L3MBTL2: variants seen among roughly 807,000 people sequenced by gnomAD.
The protein encoded by L3MBTL2 is L3MBTL histone methyl-lysine binding protein 2, also known as lethal(3)malignant brain tumor-like protein 2.
L3MBTL2 carries 49 observed loss-of-function variants against 86.4 expected under a neutral mutation model. The observed-to-expected ratio is 0.57, with a 90% CI of 0.45 to 0.72. The LOEUF (loss-of-function observed/expected upper bound fraction) is 0.72. L3MBTL2 is among the 30% of genes least tolerant of loss of function. The pLI, the probability that L3MBTL2 is intolerant of heterozygous loss-of-function variation, is 0.00. For missense variants in L3MBTL2, 755 were observed against 923.7 expected (o/e 0.82, Z 2.37); for synonymous variants, 336 against 350.6 (o/e 0.96, Z 0.47).
At chr22:41,212,009 G>A (rs1277386824) in intron 2 of L3MBTL2, among the ~76,000 whole-genome samples, 1 of 150,270 alleles carries the variant, frequency 6.7e-6, no homozygotes, top group African/African-American at 2.5e-5. Flanking sequence ...GACTACAGGC[G>A]CCCTCCGCCA....
Position 41,228,000 on chromosome 22 carries a change from G to A in L3MBTL2, c.1888+131G>A, listed in dbSNP as rs55912549. The stretch of plus-strand genomic sequence containing the variant: ...CTGTCCTACTGACGTAGCTCTCTTC[G>A]TGTTCCTGTCCTGTCTCTTTCCCCT... On this transcript the variant is annotated intron_variant, in intron 15 of 16. Transcript: ENST00000216237. This position sits in a 1 kb window ranked among gnomAD's most constrained non-coding sequence, Gnocchi z 6.0. 0.017 allele frequency: 25,049 copies of A among 1,441,914 alleles called. 277 individuals carry two copies. Among genetic ancestry groups the A allele is most frequent in the Non-Finnish European group, 0.02 (22,229 of 1,092,380 alleles). 89.3% of individuals were successfully genotyped at this position (1,441,914 alleles called of 1,614,324 possible). A position where few individuals can be genotyped will look rare whatever the true frequency, so the allele number is the denominator to read the frequency against.
At position 41,225,431 on chromosome 22, in the gene L3MBTL2, C is replaced by T. The variant is rs1177983812; in HGVS notation, c.1356+360C>T. ...GGGGTCACCTTGCTCCAAACCTCAT[C>T]GCCTCCTCCTGAGCAGCACCCCCAC... is the stretch of plus-strand genomic sequence containing the variant. On this transcript the variant is annotated intron_variant, in intron 11 of 16. Coordinates refer to ENST00000216237, the MANE Select transcript of L3MBTL2 (RefSeq NM_031488.5). The surrounding 1 kb of genome is among the most constrained non-coding windows in gnomAD (Gnocchi z 4.1). Among the ~76,000 whole-genome samples, 1 of 152,212 alleles carries T rather than the reference C, an allele frequency of 6.6e-6. No homozygotes were observed. The highest frequency in any genetic ancestry group is 2.4e-5 in the African/African-American group (1 of 41,452).
rs549190195 is a variant in L3MBTL2 at position 41,209,326 on chromosome 22, C to T, written c.25-370C>T. On this transcript the variant is annotated intron_variant, in intron 1 of 16. Transcript: ENST00000216237. ...TTCACCCTCTTGGCCAGGCTGGTCT[C>T]GAACTCCTGACCTCAGGTGATCTGC... 22 of 183,568 alleles carry T rather than the reference C, an allele frequency of 1.2e-4. No individual in the cohort carries two copies. In the East Asian group the frequency reaches 1.3e-3, roughly 11 times the overall value. 11.4% of individuals were successfully genotyped at this position (183,568 alleles called of 1,614,324 possible). A position where few individuals can be genotyped will look rare whatever the true frequency, so the allele number is the denominator to read the frequency against.
At position 41,229,688 on chromosome 22, in the gene L3MBTL2, C is replaced by G. The variant is rs557770534; in HGVS notation, c.2005+32C>G. On this transcript the variant is annotated intron_variant, in intron 16 of 16. Coordinates refer to ENST00000216237, the MANE Select transcript of L3MBTL2 (RefSeq NM_031488.5). The stretch of plus-strand genomic sequence containing the variant: ...GCCACCGGGCTGGGTCAAGGCAGGA[C>G]CAGCCTGCTCCGTGCTCAGAGACGA... The G allele has an allele frequency of 1.3e-4, 212 of 1,612,826 alleles. 3 individuals carry two copies. In the South Asian group the frequency reaches 2.2e-3, roughly 17 times the overall value.
chr22:41,219,398 T>TAC (rs1409431137), intron 5 of L3MBTL2, 21 bp from the exon 6 acceptor site: 5 of 1,566,130 alleles, frequency 3.2e-6, no homozygotes, highest in Non-Finnish European at 4.4e-6. Flanking sequence ...ACTCTCTCGG[T>TAC]ACACTCTCAT....
chr22:41,216,830 A>G (rs1330896515), intron 4 of L3MBTL2, among the ~76,000 whole-genome samples: 5 of 152,238 alleles, frequency 3.3e-5, no homozygotes, highest in African/African-American at 1.2e-4. Flanking sequence ...ATTTAAGCCC[A>G]GGGATATTTC....
intron 8 of L3MBTL2, 67 bp from the exon 9 acceptor site, chr22:41,223,953 C>A: frequency 2.3e-6 from 3 of 1,284,110 alleles, no homozygotes; most frequent in Non-Finnish European, 3.4e-6. Context: ...CCTCCACTCA[C>A]CAGAGCAGGA....
rs1481374909 is a variant in L3MBTL2 at position 41,226,719 on chromosome 22, C to T, written c.1562C>T (p.Ala521Val). ...ENYLEKTKSK[A>V]APSRLFNMDC... is the part of the protein sequence containing the mutation. Reference sequence around the variant, plus strand: ...TACTTGGAGAAGACCAAGTCGAAAGCCGCTCCATCGAGACTCTTTAACATG... The same window carrying T: ...TACTTGGAGAAGACCAAGTCGAAAGTCGCTCCATCGAGACTCTTTAACATG... Residue 521 changes from alanine to valine, a missense_variant, in exon 13 of 17, where the codon GCC becomes GTC. This residue lies in a region of L3MBTL2 where 634 missense variants were observed against 748.9 expected (regional missense o/e 0.85). Coordinates refer to ENST00000216237, the MANE Select transcript of L3MBTL2 (RefSeq NM_031488.5). The T allele has an allele frequency of 6.2e-7, 1 of 1,613,726 alleles. No homozygotes were observed. The highest frequency in any genetic ancestry group is 8.5e-7 in the Non-Finnish European group (1 of 1,179,732).
Position 41,229,547 on chromosome 22 carries a change from A to T in L3MBTL2, c.1896A>T (p.Arg632Ser). Residue 632 changes from arginine (R) to serine (S), a missense_variant, in exon 16 of 17, where the codon AGA (arginine) becomes AGT (serine). Around this residue, in one of 3 missense-constraint regions of L3MBTL2, gnomAD observed 634 missense variants for 748.9 expected, o/e 0.85. Coordinates refer to ENST00000216237, the MANE Select transcript of L3MBTL2 (RefSeq NM_031488.5). The stretch of plus-strand genomic sequence containing the variant: ...ATCCATTTTTATTCAAAGGGAAAAG[A>T]ATCCCGCCCACTAAGACGCGACCCC... The part of the protein sequence containing the change: ...KKKQFGKKRK[R>S]IPPTKTRPLR... 1.9e-6 allele frequency: 3 copies of T among 1,609,642 alleles called. No homozygotes were observed. The highest frequency in any genetic ancestry group is 2.5e-6 in the Non-Finnish European group (3 of 1,176,672).
Position 41,230,181 on chromosome 22 carries a change from C to G in L3MBTL2, c.2048C>G (p.Ser683Trp). ...AAGGAAGAGCATCTAGACGTGGCCT[C>G]GCCCGACAAGGCTTCAAGTCCAGAG... Reference protein sequence around the residue: ...RVKEEHLDVASPDKASSPELP... With the variant: ...RVKEEHLDVAWPDKASSPELP... The change falls in exon 17 of 17, where the codon TCG becomes TGG. Residue 683 changes from serine (S) to tryptophan (W), a missense_variant. Physicochemically the swap from Ser to Trp is radical, Grantham distance 177. Transcript: ENST00000216237. 1 of 1,610,904 alleles carries G rather than the reference C, an allele frequency of 6.2e-7. No homozygotes were observed. Among genetic ancestry groups the G allele is most frequent in the Non-Finnish European group, 8.5e-7 (1 of 1,178,460 alleles).
chr22:41,219,379 A>G (rs1280560644), intron 5 of L3MBTL2, 40 bp from the exon 6 acceptor site: 2 of 1,473,180 alleles, frequency 1.4e-6, no homozygotes, highest in African/African-American at 2.8e-5. Flanking sequence ...CTGCTAGCAC[A>G]GTTAGCTCAC....
Position 41,216,125 on chromosome 22 carries a change from G to A in L3MBTL2, c.397-14G>A, listed in dbSNP as rs777386965. The A allele has an allele frequency of 1.2e-6, 2 of 1,608,962 alleles. No individual in the cohort carries two copies. On this transcript the variant is annotated splice_polypyrimidine_tract_variant and intron_variant, in intron 3 of 16. Coordinates refer to ENST00000216237, the MANE Select transcript of L3MBTL2 (RefSeq NM_031488.5). ...AGCCGCCAGGCTACACATAGCCTCT[G>A]TCCTCCTCTCCAGGGAAAACCACCG...
Position 41,217,144 on chromosome 22 carries a change from G to A in L3MBTL2, c.542G>A (p.Trp181Ter), listed in dbSNP as rs1267936606. 6.2e-7 allele frequency: 1 copy of A among 1,613,550 alleles called. No individual in the cohort carries two copies. Among genetic ancestry groups the A allele is most frequent in the African/African-American group, 1.3e-5 (1 of 74,912 alleles). ...GCAGCTCTGGTCTTGGGCTTCGACT[G>A]GGGGAAGTTCCTGAAGGATCACAGT... Reference protein sequence around the residue: ...GQDALVLGFDWGKFLKDHSYK... With the variant: ...GQDALVLGFD The change falls in exon 5 of 17, where the codon TGG becomes TAG. Residue 181 changes from tryptophan to a stop codon, truncating the protein, a stop_gained. Coordinates refer to ENST00000216237, the MANE Select transcript of L3MBTL2 (RefSeq NM_031488.5). LOFTEE classifies it high-confidence loss of function.
In L3MBTL2 at chr22:41,225,257, G is replaced by T. The variant is rs574914336; in HGVS notation, c.1356+186G>T. 2.0e-5 allele frequency among the ~76,000 whole-genome samples: 3 copies of T among 152,202 alleles called. No individual in the cohort carries two copies. Among genetic ancestry groups the T allele is most frequent in the Non-Finnish European group, 4.4e-5 (3 of 68,036 alleles). ...TGCCCCTTGCTCAGAATCTGCTTTCGTGTCAGGGTCCAAGGCTCCCTGGAC... is the reference window on the plus strand; with the variant it reads ...TGCCCCTTGCTCAGAATCTGCTTTCTTGTCAGGGTCCAAGGCTCCCTGGAC... On this transcript the variant is annotated intron_variant, in intron 11 of 16. Transcript: ENST00000216237. The surrounding 1 kb of genome is among the most constrained non-coding windows in gnomAD (Gnocchi z 4.1).
rs149064403 is a variant in L3MBTL2 at position 41,224,184 on chromosome 22, C to T, written c.1107C>T (p.His369=). The change falls in exon 9 of 17, where the codon CAC becomes CAT. Residue 369 remains histidine (H), a synonymous_variant. Transcript: ENST00000216237. The surrounding 1 kb of genome is among the most constrained non-coding windows in gnomAD (Gnocchi z 4.9). ...DGDSDDDFWC[H]MWSPLIHPVG... Reference sequence around the variant, plus strand: ...ACAGTGACGACGACTTCTGGTGCCACATGTGGAGCCCCCTGATCCACCCAG... The same window carrying T: ...ACAGTGACGACGACTTCTGGTGCCATATGTGGAGCCCCCTGATCCACCCAG... 2 of 1,614,018 alleles carry T rather than the reference C, an allele frequency of 1.2e-6. No individual in the cohort carries two copies. The highest frequency in any genetic ancestry group is 2.7e-5 in the African/African-American group (2 of 74,928).
In L3MBTL2 at chr22:41,205,604, A is replaced by G. The variant is rs1569133230; in HGVS notation, c.24+218A>G. ...TTCGGCGAGGAGTTCAGGGAGGAAC[A>G]GCCGTCCCTGGCCTGGGGGAAAGGG... On this transcript the variant is annotated intron_variant, in intron 1 of 16. Coordinates refer to ENST00000216237, the MANE Select transcript of L3MBTL2 (RefSeq NM_031488.5). Among the ~76,000 whole-genome samples the G allele has an allele frequency of 1.3e-5, 2 of 152,274 alleles. 1 individual carries two copies. The highest frequency in any genetic ancestry group is 4.1e-4 in the South Asian group (2 of 4,820).
intron 3 of L3MBTL2, among the ~76,000 whole-genome samples, chr22:41,215,475 T>G (rs570178751): frequency 7.7e-4 from 118 of 152,352 alleles, no homozygotes; most frequent in African/African-American, 2.7e-3. Flanking sequence ...GTTTGGGACT[T>G]AAACCCAGAT....
Position 41,225,729 on chromosome 22 carries a change from G to T in L3MBTL2, c.1357-65G>T. 6.5e-7 allele frequency: 1 copy of T among 1,548,004 alleles called. No individual in the cohort carries two copies. Among genetic ancestry groups the T allele is most frequent in the Non-Finnish European group, 8.8e-7 (1 of 1,135,276 alleles). On this transcript the variant is annotated intron_variant, in intron 11 of 16. Transcript: ENST00000216237. The surrounding 1 kb of genome is among the most constrained non-coding windows in gnomAD (Gnocchi z 4.1). ...TGCCTCGTGTCCCTATTGGGGTGCG[G>T]TACCAACCCAGGATGGGGTGCAGTT...
chr22:41,211,856 C>CTTTTTT (rs35869187), intron 2 of L3MBTL2, among the ~76,000 whole-genome samples: 3 of 67,904 alleles, frequency 4.4e-5, no homozygotes, highest in Non-Finnish European at 7.9e-5. Flanking sequence ...CGCACCCGGC[C>CTTTTTT]TTTTTTTTTT....
Sources: gnomAD v4.1 joint callset for allele counts (sites outside exome capture counted in the v4.1 genomes callset) on GRCh38, gnomAD v4.1.1 for gene constraint, gnomAD v4.1.1 regional missense constraint, Gnocchi (gnomAD v3.1) non-coding constraint, MANE v1.5 for transcripts, NCBI Gene and HGNC (gene_info 2026-07-23, HGNC 2026-07-21) for gene names.